The following PCDH11X variants were observed in gnomAD, a reference collection of about 807,000 sequenced individuals.
PCDH11X encodes the protein protocadherin 11 X-linked.
A neutral mutation model predicts 53.3 loss-of-function variants in PCDH11X; 18 were observed. The ratio of observed to expected loss-of-function variants is 0.34; its 90% CI spans 0.23 to 0.50. The LOEUF is 0.50. PCDH11X is among the 20% of genes least tolerant of loss of function. The probability of loss-of-function intolerance (pLI) is 0.98; values close to 1 mark genes in which losing one functional copy is unlikely to be tolerated. For missense variants in PCDH11X, 570 were observed against 1,032.4 expected (o/e 0.55, Z 6.14); for synonymous variants, 279 against 393.3 (o/e 0.71, Z 3.44).
At chrX:92,226,967 A>G (rs1255325706) in intron 7 of PCDH11X, among the ~76,000 whole-genome samples, 1 of 112,025 alleles carries the variant, frequency 8.9e-6, no homozygotes, top group African/African-American at 3.2e-5. Context: ...TTTGAAGCAG[A>G]TAAGGAAATA....
At chrX:91,861,518 G>A (rs1202750123) in intron 5 of PCDH11X, among the ~76,000 whole-genome samples, 1 of 109,544 alleles carries the variant, frequency 9.1e-6, no homozygotes, top group East Asian at 2.9e-4. Flanking sequence ...ATTCCTCCCA[G>A]TCGAAACCTT....
At chrX:92,410,103 G>T (rs2071610112) in intron 9 of PCDH11X, among the ~76,000 whole-genome samples, 1 of 110,312 alleles carries the variant, frequency 9.1e-6, no homozygotes, top group Non-Finnish European at 1.9e-5. Context: ...TCCCTCTCTT[G>T]CCCCCCTCTC....
chrX:91,946,900 A>G (rs1207161189), intron 6 of PCDH11X, among the ~76,000 whole-genome samples: 3 of 106,776 alleles, frequency 2.8e-5, no homozygotes, highest in Non-Finnish European at 5.8e-5. Flanking sequence ...TTATTTTTGT[A>G]TTATGAGCAT....
intron 6 of PCDH11X, among the ~76,000 whole-genome samples, chrX:91,939,582 GA>G (rs1243517796): frequency 6.6e-5 from 7 of 105,749 alleles, no homozygotes; most frequent in African/African-American, 1.4e-4. Flanking sequence ...CAATGATAAA[GA>G]AAAAAAAATG....
chrX:91,847,655 T>C (rs918274448), intron 5 of PCDH11X, among the ~76,000 whole-genome samples: 38 of 111,692 alleles, frequency 3.4e-4, no homozygotes, highest in South Asian at 7.6e-4. Context: ...TGTTTTAATT[T>C]AGCAGAGCGA....
In PCDH11X at chrX:92,245,366, G is replaced by A. The variant is rs746248799; in HGVS notation, c.3115-17748G>A. Among the ~76,000 whole-genome samples the A allele has an allele frequency of 6.2e-5, 7 of 112,207 alleles. No homozygotes were observed. In the South Asian group the frequency reaches 2.6e-3, roughly 41 times the overall value. ...TGGTAAATATTAAGTTGCCCCTGAA[G>A]TAATGCTTATTGTATATCTCTGCTA... On this transcript the variant is annotated intron_variant, in intron 7 of 10. Coordinates refer to ENST00000682573, the MANE Select transcript of PCDH11X (RefSeq NM_032968.5).
rs1040164950 is a variant in PCDH11X at position 92,622,694 on chromosome X, T to G, written c.*3754T>G. On this transcript the variant is annotated 3_prime_UTR_variant, in exon 11 of 11. Coordinates refer to ENST00000682573, the MANE Select transcript of PCDH11X (RefSeq NM_032968.5). ...CTGAAATATATTTCTGCAAGAACCT[T>G]TCTATATTATGTGCCAATTACCACA... is the stretch of plus-strand genomic sequence containing the variant. 1.2e-4 allele frequency: 13 copies of G among 110,413 alleles called. No homozygotes were observed. The highest frequency in any genetic ancestry group is 4.3e-4 in the African/African-American group (13 of 30,540). The allele number at this position is 110,413 out of a possible 1,213,427, so 9.1% of individuals were successfully genotyped here.
At chrX:91,914,733 C>T (rs1941495804) in intron 6 of PCDH11X, among the ~76,000 whole-genome samples, 1 of 111,730 alleles carries the variant, frequency 9.0e-6, no homozygotes, top group African/African-American at 3.3e-5. Flanking sequence ...AACAAAGACT[C>T]CAAGAAATTT....
chrX:92,482,737 T>C (rs2073535901), intron 10 of PCDH11X, among the ~76,000 whole-genome samples: 1 of 108,355 alleles, frequency 9.2e-6, no homozygotes, highest in Non-Finnish European at 1.9e-5. Context: ...TATAAATCTA[T>C]GGTTATAGTA....
intron 10 of PCDH11X, among the ~76,000 whole-genome samples, chrX:92,512,173 T>A (rs1474134192): frequency 9.2e-6 from 1 of 108,581 alleles, no homozygotes; most frequent in African/African-American, 3.3e-5. Flanking sequence ...CATAATAGTC[T>A]CTTTCTCTAA....
intron 8 of PCDH11X, among the ~76,000 whole-genome samples, chrX:92,378,345 AAAT>A (rs1221237512): frequency 9.2e-6 from 1 of 109,190 alleles, no homozygotes; most frequent in East Asian, 2.8e-4. Context: ...AAAAATTGTG[AAAT>A]AATCATATTC....
chrX:91,857,952 T>G (rs1938445630), intron 5 of PCDH11X, among the ~76,000 whole-genome samples: 1 of 111,543 alleles, frequency 9.0e-6, no homozygotes, highest in Non-Finnish European at 1.9e-5. Context: ...GGATTCTTTG[T>G]GGAGGCTCCC....
intron 10 of PCDH11X, among the ~76,000 whole-genome samples, chrX:92,545,387 C>CTTTT (rs566573698): frequency 1.2e-4 from 8 of 66,043 alleles, no homozygotes; most frequent in East Asian, 5.0e-4. Flanking sequence ...GGTTAAATTC[C>CTTTT]TTTTTTTTTT....
chrX:92,496,409 G>A (rs34647012), intron 10 of PCDH11X, among the ~76,000 whole-genome samples: 3 of 107,133 alleles, frequency 2.8e-5, no homozygotes, highest in Non-Finnish European at 5.7e-5. Flanking sequence ...ACTCTTTTAT[G>A]TAGGCCATCT....
chrX:92,018,996 G>A (rs778867344), intron 6 of PCDH11X, among the ~76,000 whole-genome samples: 5 of 111,570 alleles, frequency 4.5e-5, no homozygotes, highest in African/African-American at 9.7e-5. Context: ...GGGTAAGATG[G>A]CTCAATAAAC....
rs181338916 is a variant in PCDH11X at position 92,173,700 on chromosome X, A to G, written c.3034-27675A>G. Among the ~76,000 whole-genome samples, 48 of 110,443 alleles carry G rather than the reference A, an allele frequency of 4.3e-4. 1 individual carries two copies. In the East Asian group the frequency reaches 0.012, roughly 27 times the overall value. Reference sequence around the variant, plus strand: ...TGTAATTTTATCTTTCAAGGATGTAATGAGAAAGTCCAGGTGTGGTAGTTC... The same window carrying G: ...TGTAATTTTATCTTTCAAGGATGTAGTGAGAAAGTCCAGGTGTGGTAGTTC... On this transcript the variant is annotated intron_variant, in intron 6 of 10. Transcript: ENST00000682573.
intron 6 of PCDH11X, among the ~76,000 whole-genome samples, chrX:91,934,301 A>T (rs191841440): frequency 9.0e-6 from 1 of 111,456 alleles, no homozygotes; most frequent in African/African-American, 3.2e-5. Context: ...GAGAAAGCTT[A>T]GTTCCTTTAG....
chrX:92,185,120 C>T (rs55781116), intron 6 of PCDH11X, among the ~76,000 whole-genome samples: 2,446 of 110,302 alleles, frequency 0.022, 24 homozygotes, highest in Middle Eastern at 0.056. Context: ...ATTGCCTGTG[C>T]CTGTAGTTCC....
intron 6 of PCDH11X, among the ~76,000 whole-genome samples, chrX:92,123,104 A>T (rs1034437623): frequency 2.7e-5 from 3 of 111,248 alleles, no homozygotes; most frequent in South Asian, 3.8e-4. Context: ...GGGAAAGTTT[A>T]TTCCTCACCT....
Sources: allele counts gnomAD v4.1 joint callset (sites outside exome capture counted in the v4.1 genomes callset), GRCh38; gene constraint gnomAD v4.1.1; transcripts MANE v1.5; gene names NCBI Gene and HGNC (gene_info 2026-07-23, HGNC 2026-07-21).